The following GLYAT variants were observed in gnomAD, a reference collection of about 807,000 sequenced individuals.
The protein encoded by GLYAT is glycine N-acyltransferase.
GLYAT carries 25 observed loss-of-function variants against 22.8 expected under a neutral mutation model. The observed-to-expected ratio is 1.09, with a 90% CI of 0.80 to 1.53. The LOEUF (loss-of-function observed/expected upper bound fraction) is 1.53, where lower values mean the gene tolerates loss of function less well. Ranked by LOEUF, GLYAT falls within the 40% of genes most tolerant of loss-of-function variation. The pLI, the probability that GLYAT is intolerant of heterozygous loss-of-function variation, is 0.00. For missense variants in GLYAT, 411 were observed against 353.9 expected, an observed-to-expected ratio of 1.16 and a Z score of -1.29; for synonymous variants, 140 against 122.7, an observed-to-expected ratio of 1.14 and a Z score of -0.93.
chr11:58,726,373 C>G lies in GLYAT; in HGVS notation c.-15-1862G>C, dbSNP rs900168638. Among the ~76,000 whole-genome samples, 7 of 152,078 alleles carry G rather than the reference C, an allele frequency of 4.6e-5. No individual in the cohort carries two copies. The South Asian group carries it at 1.4e-3, about 31-fold the overall frequency. On this transcript the variant is annotated intron_variant, in intron 1 of 5. Transcript: ENST00000344743. ...AGTGGTTGTTCTGTGGATTTGGCCT[C>G]TTGCTAGCTGTCAGGGCAGTAGTAG...
Position 58,709,779 on chromosome 11 carries a change from C to A in GLYAT, c.878G>T (p.Cys293Phe). 1 of 1,610,524 alleles carries A rather than the reference C, an allele frequency of 6.2e-7. No homozygotes were observed. Among genetic ancestry groups the A allele is most frequent in the Non-Finnish European group, 8.5e-7 (1 of 1,178,086 alleles). The change falls in exon 6 of 6, where the codon TGT becomes TTT. Residue 293 changes from cysteine to phenylalanine, a missense_variant. By Grantham distance (205) the Cys-to-Phe change is radical. Transcript: ENST00000344743. ...TCAGGATTGGCATCACAGAGGTACA[C>A]AGTTCCACTGGTTCCAGCTTCTGGG... ...PIPRSWNQWN[C>F]VPL
chr11:58,731,653 C>T (rs1017437686), intron 1 of GLYAT, among the ~76,000 whole-genome samples, 182 bp downstream of exon 1: 1 of 152,094 alleles, frequency 6.6e-6, no homozygotes, highest in Non-Finnish European at 1.5e-5. Flanking sequence ...ATTAATATAT[C>T]TATTACTTCA....
rs754224071 is a variant in GLYAT, at chr11:58,715,371, G to A, written c.134C>T (p.Ala45Val). ...INHGNPFNLK[A>V]VVDKWPDFNT... ...AAAATCAGGCCACTTGTCCACCACA[G>A]CCTTCAGATTGAATGGATTTCCATG... Residue 45 changes from alanine (A) to valine (V), a missense_variant, in exon 3 of 6, where the codon GCT becomes GTT. Coordinates refer to ENST00000344743, the MANE Select transcript of GLYAT (RefSeq NM_201648.3). 6 of 1,603,554 alleles carry A rather than the reference G, an allele frequency of 3.7e-6. No homozygotes were observed. In the South Asian group the frequency reaches 6.6e-5, roughly 18 times the overall value.
rs547486315 is a variant in GLYAT, at chr11:58,731,928, C to T, written c.-109G>A. ...TTTCTCCCTGATGCAGCCAGTTCAG[C>T]AGAGTCTCGCAGAGTAAATTTTGAT... is the stretch of plus-strand genomic sequence containing the variant. On this transcript the variant is annotated 5_prime_UTR_variant, in exon 1 of 6. Transcript: ENST00000344743. 14 of 152,276 alleles carry T rather than the reference C, an allele frequency of 9.2e-5. No individual in the cohort carries two copies. The South Asian group carries it at 2.3e-3, about 25-fold the overall frequency. 9.4% of individuals were successfully genotyped at this position (152,276 alleles called of 1,614,324 possible).
chr11:58,714,999 C>T (rs1190303640), intron 3 of GLYAT, among the ~76,000 whole-genome samples: 1 of 151,756 alleles, frequency 6.6e-6, no homozygotes, highest in Non-Finnish European at 1.5e-5. Flanking sequence ...CATATTTTTC[C>T]TACAAAATCC....
intron 3 of GLYAT, 36 bp from the exon 4 acceptor site, chr11:58,712,922 C>G (rs747968631): frequency 3.5e-6 from 5 of 1,412,064 alleles, no homozygotes; most frequent in Non-Finnish European, 4.9e-6. Flanking sequence ...AAAACACATC[C>G]TTATATTTTA....
intron 4 of GLYAT, among the ~76,000 whole-genome samples, chr11:58,711,014 G>A (rs1856610051): frequency 6.6e-6 from 1 of 152,126 alleles, no homozygotes; most frequent in Non-Finnish European, 1.5e-5. Flanking sequence ...ACCTGTGCTA[G>A]CATTCTTAGA....
chr11:58,728,993 A>T (rs1049484670), intron 1 of GLYAT, among the ~76,000 whole-genome samples: 8 of 151,992 alleles, frequency 5.3e-5, no homozygotes. Context: ...GGAAGGAAGG[A>T]AGTTCCTAGA....
rs1565053434 is a variant in GLYAT, at chr11:58,709,959, G to C, written c.698C>G (p.Thr233Ser). The change falls in exon 6 of 6, where the codon ACC (threonine) becomes AGC (serine). Residue 233 changes from threonine (T) to serine (S), a missense_variant. Physicochemically the swap from Thr to Ser is moderately conservative, Grantham distance 58 (BLOSUM62 1). Coordinates refer to ENST00000344743, the MANE Select transcript of GLYAT (RefSeq NM_201648.3). ...GCCATGGAGCCGGTATTCCGGCAAG[G>C]TGCCTGCCATTCTCATCTCTCCAGT... ...DQTGEMRMAG[T>S]LPEYRLHGLV... 6.2e-7 allele frequency: 1 copy of C among 1,614,056 alleles called. No individual in the cohort carries two copies. The highest frequency in any genetic ancestry group is 8.5e-7 in the Non-Finnish European group (1 of 1,179,954).
intron 4 of GLYAT, among the ~76,000 whole-genome samples, chr11:58,711,605 G>A (rs1482555258): frequency 6.6e-6 from 1 of 152,062 alleles, no homozygotes; most frequent in Non-Finnish European, 1.5e-5. Flanking sequence ...AAGTTTTCTG[G>A]GCTGCGTAAT....
chr11:58,723,795 A>G (rs11229598), intron 2 of GLYAT, among the ~76,000 whole-genome samples: 7,594 of 151,776 alleles, frequency 0.05, 292 homozygotes, highest in Middle Eastern at 0.072. Context: ...ATCCATTTAT[A>G]TATATATATT....
chr11:58,716,978 A>T (rs1565056847), intron 2 of GLYAT, among the ~76,000 whole-genome samples: 1 of 152,168 alleles, frequency 6.6e-6, no homozygotes, highest in South Asian at 2.1e-4. Flanking sequence ...GATAGGTGAG[A>T]CACAAATGGT....
chr11:58,726,732 T>TGA (rs546354352), intron 1 of GLYAT, among the ~76,000 whole-genome samples: 155 of 152,260 alleles, frequency 1.0e-3, no homozygotes, highest in African/African-American at 3.5e-3. Flanking sequence ...CCTTTAAATA[T>TGA]GACCTTGAAG....
chr11:58,726,362 G>A (rs1208665945), intron 1 of GLYAT, among the ~76,000 whole-genome samples: 1 of 152,070 alleles, frequency 6.6e-6, no homozygotes, highest in Non-Finnish European at 1.5e-5. Context: ...GTTGTTCTGT[G>A]GATTTGGCCT....
At chr11:58,719,340 C>T (rs1409825780) in intron 2 of GLYAT, among the ~76,000 whole-genome samples, 1 of 151,864 alleles carries the variant, frequency 6.6e-6, no homozygotes, top group Non-Finnish European at 1.5e-5. Flanking sequence ...AATTTGTAAA[C>T]AATCTATAAA....
chr11:58,729,022 C>A (rs184286514), intron 1 of GLYAT, among the ~76,000 whole-genome samples: 3 of 152,056 alleles, frequency 2.0e-5, no homozygotes, highest in East Asian at 1.9e-4. Flanking sequence ...AATTACTGAT[C>A]TGAGCATATA....
rs1856582218 is a variant in GLYAT, at chr11:58,709,527, T to C, written c.*239A>G. On this transcript the variant is annotated 3_prime_UTR_variant, in exon 6 of 6. Transcript: ENST00000344743. The stretch of plus-strand genomic sequence containing the variant: ...TGAAGTGTCATAGAGGTCCTGGAAA[T>C]GTGGGGAGGTAAATTGCTTATGTCA... 4.6e-6 allele frequency: 2 copies of C among 436,616 alleles called. No homozygotes were observed. The highest frequency in any genetic ancestry group is 8.1e-6 in the Non-Finnish European group (2 of 245,490). The allele number at this position is 436,616 out of a possible 1,614,324, so 27.0% of individuals were successfully genotyped here.
At chr11:58,712,719 C>A in intron 4 of GLYAT, 41 bp downstream of exon 4, 1 of 1,593,232 alleles carries the variant, frequency 6.3e-7, no homozygotes, top group Non-Finnish European at 8.6e-7. Flanking sequence ...TTGCTCAGGA[C>A]ACATAAGTGA....
At chr11:58,720,063 TA>T (rs961644709) in intron 2 of GLYAT, among the ~76,000 whole-genome samples, 11 of 151,898 alleles carry the variant, frequency 7.2e-5, no homozygotes, top group Non-Finnish European at 1.3e-4. Flanking sequence ...CTTTTTTACC[TA>T]AAAAAACCTT....
Sources: gnomAD v4.1 joint callset for allele counts (sites outside exome capture counted in the v4.1 genomes callset) on GRCh38, gnomAD v4.1.1 for gene constraint, MANE v1.5 for transcripts, NCBI Gene and HGNC (gene_info 2026-07-23, HGNC 2026-07-21) for gene names.